Variants in TRAPPC10 observed in about 807,000 individuals in gnomAD.
The protein encoded by TRAPPC10 is trafficking protein particle complex subunit 10.
In TRAPPC10, 23 loss-of-function variants were observed where a neutral mutation model predicts 125.5. That is an observed-to-expected ratio of 0.18 (90% CI 0.13 to 0.26). The LOEUF (loss-of-function observed/expected upper bound fraction) is 0.26. TRAPPC10 is among the 10% of genes least tolerant of loss of function. TRAPPC10 has a pLI of 1.00. For synonymous variants in TRAPPC10, 509 were observed against 518.0 expected (o/e 0.98, Z 0.24); for missense variants, 1,123 against 1,308.4 (o/e 0.86, Z 2.19).
intron 15 of TRAPPC10, among the ~76,000 whole-genome samples, chr21:44,085,636 G>GT (rs1413738526): frequency 6.6e-6 from 1 of 152,020 alleles, no homozygotes; most frequent in Non-Finnish European, 1.5e-5. Flanking sequence ...GAGCCCAGGA[G>GT]TTTGAGGCCT....
rs1457118873 is a variant in TRAPPC10 at position 44,076,544 on chromosome 21, T to C, written c.1301-8T>C. ...ATGAAGAGGGACTCTCGTTTCTTTC[T>C]GTTTAAGCCAACACAGCTCAGAGTC... On this transcript the variant is annotated splice_region_variant and splice_polypyrimidine_tract_variant and intron_variant, in intron 9 of 22. Coordinates refer to ENST00000291574, the MANE Select transcript of TRAPPC10 (RefSeq NM_003274.5). 1.2e-6 allele frequency: 2 copies of C among 1,612,900 alleles called. No individual in the cohort carries two copies. Among genetic ancestry groups the C allele is most frequent in the Non-Finnish European group, 1.7e-6 (2 of 1,178,936 alleles).
At chr21:44,052,249 C>A (rs1569169634) in intron 3 of TRAPPC10, 31 bp from the exon 4 acceptor site, 1 of 1,540,084 alleles carries the variant, frequency 6.5e-7, no homozygotes. Flanking sequence ...CATTAGTTAA[C>A]CTGCTTTCAC....
chr21:44,038,335 T>TGTGTGCC (rs1455402437), intron 3 of TRAPPC10, among the ~76,000 whole-genome samples: 1 of 152,090 alleles, frequency 6.6e-6, no homozygotes, highest in Non-Finnish European at 1.5e-5. Flanking sequence ...AGGCTTAGTC[T>TGTGTGCC]AAGCTGTGTT....
At chr21:44,065,303 G>T (rs1327876889) in intron 7 of TRAPPC10, among the ~76,000 whole-genome samples, 2 of 152,138 alleles carry the variant, frequency 1.3e-5, no homozygotes, top group Non-Finnish European at 1.5e-5. Context: ...GGGGTCTGTT[G>T]GCTCCTCTAG....
chr21:44,015,384 C>T lies in TRAPPC10; in HGVS notation c.67+2824C>T, dbSNP rs942217788. On this transcript the variant is annotated intron_variant, in intron 1 of 22. Coordinates refer to ENST00000291574, the MANE Select transcript of TRAPPC10 (RefSeq NM_003274.5). ...TAAGGGTAATTAGAATAGATTATTA[C>T]TTTAAAACCTAGCTGATTATTTCAC... 4.6e-5 allele frequency among the ~76,000 whole-genome samples: 7 copies of T among 152,214 alleles called. No individual in the cohort carries two copies. The East Asian group carries it at 7.7e-4, about 17-fold the overall frequency.
chr21:44,036,260 A>G (rs1436020458), intron 2 of TRAPPC10, among the ~76,000 whole-genome samples: 1 of 152,274 alleles, frequency 6.6e-6, no homozygotes, highest in Non-Finnish European at 1.5e-5. Flanking sequence ...TTTACAGTGC[A>G]ACATAAAATA....
chr21:44,082,900 G>C lies in TRAPPC10; in HGVS notation c.1836G>C (p.Met612Ile). ...VGGVLCVEIT[M>I]YSQMPVPVHV... ...GCGTTTTGTGCGTTGAGATAACCATGTACAGCCAGATGCCTGTGCCTGTTC... is the reference window on the plus strand; with the variant it reads ...GCGTTTTGTGCGTTGAGATAACCATCTACAGCCAGATGCCTGTGCCTGTTC... Residue 612 changes from methionine to isoleucine, a missense_variant, in exon 14 of 23, where the codon ATG (methionine) becomes ATC (isoleucine). Coordinates refer to ENST00000291574, the MANE Select transcript of TRAPPC10 (RefSeq NM_003274.5). This position sits in a 1 kb window ranked among gnomAD's most constrained non-coding sequence, Gnocchi z 4.4. The C allele has an allele frequency of 6.2e-7, 1 of 1,614,120 alleles. No homozygotes were observed. Among genetic ancestry groups the C allele is most frequent in the Non-Finnish European group, 8.5e-7 (1 of 1,180,018 alleles).
At chr21:44,014,593 GTTTTTTTTT>G (rs374497169) in intron 1 of TRAPPC10, among the ~76,000 whole-genome samples, 2 of 136,756 alleles carry the variant, frequency 1.5e-5, no homozygotes, top group African/African-American at 2.7e-5. Context: ...GTTTGTTTTT[GTTTTTTTTT>G]TTTTTCAGTA....
At chr21:44,013,331 A>G (rs2031395732) in intron 1 of TRAPPC10, among the ~76,000 whole-genome samples, 1 of 152,234 alleles carries the variant, frequency 6.6e-6, no homozygotes, top group African/African-American at 2.4e-5. Context: ...TACGGTTAAG[A>G]ACAGTGAGCT....
At chr21:44,012,595 G>T in intron 1 of TRAPPC10, 35 bp downstream of exon 1, 1 of 1,518,264 alleles carries the variant, frequency 6.6e-7, no homozygotes, top group Non-Finnish European at 8.9e-7. Context: ...CGCGGCGGTC[G>T]TTGGGCGGGC....
chr21:44,076,723 G>T (rs1197055006), intron 10 of TRAPPC10, 95 bp downstream of exon 10: 10 of 1,076,636 alleles, frequency 9.3e-6, no homozygotes, highest in Admixed American at 4.6e-5. Flanking sequence ...GAACTGGTGT[G>T]GGGGGCCCCT....
chr21:44,014,908 T>G (rs151189580), intron 1 of TRAPPC10, among the ~76,000 whole-genome samples: 27 of 152,300 alleles, frequency 1.8e-4, no homozygotes, highest in African/African-American at 5.8e-4. Flanking sequence ...CCACTTGAAA[T>G]TATGTTGTGG....
At chr21:44,069,970 T>G (rs912605071) in intron 7 of TRAPPC10, among the ~76,000 whole-genome samples, 1 of 151,990 alleles carries the variant, frequency 6.6e-6, no homozygotes, top group Admixed American at 6.6e-5. Flanking sequence ...CTTGGCTCAC[T>G]GCAACCTCTG....
chr21:44,094,109 G>T lies in TRAPPC10; in HGVS notation c.3044G>T (p.Trp1015Leu). Reference protein sequence around the residue: ...QSVFFVWELKWTEEPPPSLHC... With the variant: ...QSVFFVWELKLTEEPPPSLHC... ...GTGTTCTTCGTCTGGGAACTCAAGTGGACAGAAGAGCCTCCCCCTTCTCTG... is the reference window on the plus strand; with the variant it reads ...GTGTTCTTCGTCTGGGAACTCAAGTTGACAGAAGAGCCTCCCCCTTCTCTG... Residue 1015 changes from tryptophan to leucine, a missense_variant, in exon 20 of 23, where the codon TGG becomes TTG. Coordinates refer to ENST00000291574, the MANE Select transcript of TRAPPC10 (RefSeq NM_003274.5). 1 of 1,614,076 alleles carries T rather than the reference G, an allele frequency of 6.2e-7. No homozygotes were observed.
At chr21:44,078,350 G>A (rs2037431476) in intron 11 of TRAPPC10, among the ~76,000 whole-genome samples, 2 of 150,436 alleles carry the variant, frequency 1.3e-5, no homozygotes. Context: ...CTATCAAAGA[G>A]AAGAAACCCC....
At chr21:44,067,778 TAG>T (rs1219554766) in intron 7 of TRAPPC10, among the ~76,000 whole-genome samples, 1 of 152,062 alleles carries the variant, frequency 6.6e-6, no homozygotes, top group Admixed American at 6.5e-5. Flanking sequence ...AGGTGCCTGA[TAG>T]GTGCTAGGGA....
intron 7 of TRAPPC10, among the ~76,000 whole-genome samples, chr21:44,064,287 A>C (rs575574524): frequency 4.6e-5 from 7 of 151,716 alleles, no homozygotes; most frequent in Admixed American, 2.0e-4. Context: ...AGCTTCATGG[A>C]AGATATGTCA....
chr21:44,040,760 C>G (rs2034359472), intron 3 of TRAPPC10, among the ~76,000 whole-genome samples: 1 of 145,758 alleles, frequency 6.9e-6, no homozygotes, highest in Admixed American at 6.8e-5. Context: ...GTAGCTGGGA[C>G]CACGCCTGCC....
chr21:44,066,190 C>G (rs1216587624), intron 7 of TRAPPC10, among the ~76,000 whole-genome samples: 1 of 152,116 alleles, frequency 6.6e-6, no homozygotes, highest in Non-Finnish European at 1.5e-5. Context: ...GGTTGCTTTA[C>G]CAGTTGATTT....
Sources: gnomAD v4.1 joint callset for allele counts (sites outside exome capture counted in the v4.1 genomes callset) on GRCh38, gnomAD v4.1.1 for gene constraint, Gnocchi (gnomAD v3.1) non-coding constraint, MANE v1.5 for transcripts, NCBI Gene and HGNC (gene_info 2026-07-23, HGNC 2026-07-21) for gene names.